The following NPAS3 variants were observed in gnomAD, a reference collection of about 807,000 sequenced individuals.
The protein encoded by NPAS3 is neuronal PAS domain protein 3.
In NPAS3, 14 loss-of-function variants were observed where a neutral mutation model predicts 73.1. The ratio of observed to expected loss-of-function variants is 0.19; its 90% confidence interval spans 0.13 to 0.30. The LOEUF is 0.30. Ranked by LOEUF, NPAS3 falls within the 10% of genes least tolerant of loss-of-function variation. The pLI, the probability that NPAS3 is intolerant of heterozygous loss-of-function variation, is 1.00. For missense variants in NPAS3, 1,096 were observed against 1,250.0 expected (o/e 0.88, Z 1.86); for synonymous variants, 620 against 541.5 (o/e 1.14, Z -2.01).
intron 6 of NPAS3, among the ~76,000 whole-genome samples, chr14:33,726,103 C>T (rs1016099257): frequency 6.6e-6 from 1 of 152,138 alleles, no homozygotes; most frequent in Non-Finnish European, 1.5e-5. Flanking sequence ...GCTCTGGCCT[C>T]TCCATCAGTA....
intron 3 of NPAS3, among the ~76,000 whole-genome samples, chr14:33,299,920 A>C (rs2042460025): frequency 6.6e-6 from 1 of 152,238 alleles, no homozygotes; most frequent in Non-Finnish European, 1.5e-5. Flanking sequence ...TAGGTCATGC[A>C]AAGATATGAT....
At chr14:33,458,649 C>G (rs1161887313) in intron 4 of NPAS3, among the ~76,000 whole-genome samples, 1 of 152,182 alleles carries the variant, frequency 6.6e-6, no homozygotes, top group Non-Finnish European at 1.5e-5. Context: ...AAAGCAGTTG[C>G]AGTTGTGCTG....
chr14:33,032,107 A>G (rs1044825899), intron 1 of NPAS3, among the ~76,000 whole-genome samples: 2 of 152,240 alleles, frequency 1.3e-5, no homozygotes. Context: ...AGTTGAGAAT[A>G]AGGACAAAAA....
At chr14:33,039,814 G>C (rs2040291598) in intron 1 of NPAS3, among the ~76,000 whole-genome samples, 1 of 152,178 alleles carries the variant, frequency 6.6e-6, no homozygotes, top group Non-Finnish European at 1.5e-5. Flanking sequence ...CTGCACACAG[G>C]GGCCTGGGGT....
intron 1 of NPAS3, among the ~76,000 whole-genome samples, chr14:33,016,748 A>C (rs928045201): frequency 6.6e-6 from 1 of 151,820 alleles, no homozygotes; most frequent in Non-Finnish European, 1.5e-5. Context: ...TTTCTCTGTA[A>C]CTCCCCTTGC....
intron 4 of NPAS3, among the ~76,000 whole-genome samples, chr14:33,433,694 T>C (rs77779895): frequency 1.6e-3 from 243 of 152,308 alleles, no homozygotes; most frequent in Non-Finnish European, 2.6e-3. Flanking sequence ...ACAGAAGTCA[T>C]AAGTAGTGTG....
intron 3 of NPAS3, among the ~76,000 whole-genome samples, chr14:33,248,684 A>C (rs2048474126): frequency 6.6e-6 from 1 of 152,228 alleles, no homozygotes; most frequent in Non-Finnish European, 1.5e-5. Context: ...GTAATAAATA[A>C]AACTTATTTT....
intron 4 of NPAS3, among the ~76,000 whole-genome samples, chr14:33,393,782 C>A (rs2047107972): frequency 6.6e-6 from 1 of 152,084 alleles, no homozygotes; most frequent in African/African-American, 2.4e-5. Context: ...CTGGTCCTAC[C>A]ATAAGGTCAA....
intron 5 of NPAS3, among the ~76,000 whole-genome samples, chr14:33,634,853 G>A (rs2058472943): frequency 6.6e-6 from 1 of 152,194 alleles, no homozygotes. Context: ...TAAGGTGGTG[G>A]TTCTCAAAGT....
At chr14:33,276,016 G>A (rs551735167) in intron 3 of NPAS3, among the ~76,000 whole-genome samples, 1 of 152,172 alleles carries the variant, frequency 6.6e-6, no homozygotes, top group South Asian at 2.1e-4. Context: ...TGACCCTACT[G>A]GGGTACTCTA....
chr14:33,051,259 C>T (rs1417564543), intron 1 of NPAS3, among the ~76,000 whole-genome samples: 2 of 129,206 alleles, frequency 1.5e-5, no homozygotes, highest in Non-Finnish European at 3.1e-5. Flanking sequence ...CCGGCCTGGG[C>T]AACAGAGCGA....
intron 1 of NPAS3, among the ~76,000 whole-genome samples, chr14:33,012,296 C>G (rs544466507): frequency 6.6e-6 from 1 of 152,252 alleles, no homozygotes; most frequent in South Asian, 2.1e-4. Flanking sequence ...CCTACTTGCA[C>G]AAAACAAAGT....
Position 33,741,446 on chromosome 14 carries a change from G to T in NPAS3, c.852+6114G>T, listed in dbSNP as rs558284248. 2.0e-5 allele frequency among the ~76,000 whole-genome samples: 3 copies of T among 152,232 alleles called. No homozygotes were observed. The South Asian group carries it at 6.2e-4, about 32-fold the overall frequency. On this transcript the variant is annotated intron_variant, in intron 7 of 11. Transcript: ENST00000356141. ...TTCCAGGGTGGAACTTACAGGCAGA[G>T]GTTATCCTGATGAAAAATGCAAATA...
intron 7 of NPAS3, among the ~76,000 whole-genome samples, chr14:33,754,212 C>CT (rs1386825022): frequency 2.0e-5 from 3 of 152,018 alleles, no homozygotes; most frequent in East Asian, 3.9e-4. Context: ...TATTAGAGGG[C>CT]TTTTTTCCCT....
chr14:33,097,264 G>A (rs1236739278), intron 2 of NPAS3, among the ~76,000 whole-genome samples: 1 of 152,152 alleles, frequency 6.6e-6, no homozygotes. Flanking sequence ...AACACAGATA[G>A]ATTAGTTTTA....
At chr14:33,383,101 A>T (rs2046628076) in intron 4 of NPAS3, among the ~76,000 whole-genome samples, 1 of 151,908 alleles carries the variant, frequency 6.6e-6, no homozygotes, top group Non-Finnish European at 1.5e-5. Context: ...AAAAAAAAAA[A>T]AAAAAAAAAA....
At chr14:33,701,999 GA>G (rs1249871979) in intron 6 of NPAS3, among the ~76,000 whole-genome samples, 3 of 152,148 alleles carry the variant, frequency 2.0e-5, no homozygotes, top group Non-Finnish European at 4.4e-5. Flanking sequence ...TGCTGTGGTA[GA>G]AAAAAAGTAG....
chr14:33,367,400 G>C, intron 4 of NPAS3, 132 bp downstream of exon 4: 1 of 529,704 alleles, frequency 1.9e-6, no homozygotes, highest in South Asian at 2.9e-5. Context: ...TTGAAATTCC[G>C]AAATTCTTAT....
At chr14:33,794,994 T>G (rs2063470307) in intron 10 of NPAS3, among the ~76,000 whole-genome samples, 1 of 152,200 alleles carries the variant, frequency 6.6e-6, no homozygotes, top group Admixed American at 6.5e-5. Flanking sequence ...GGAATGGAAG[T>G]TGGTGCCCTT....
Sources: allele counts gnomAD v4.1 joint callset (sites outside exome capture counted in the v4.1 genomes callset), GRCh38; gene constraint gnomAD v4.1.1; transcripts MANE v1.5; gene names NCBI Gene and HGNC (gene_info 2026-07-23, HGNC 2026-07-21).